Variants in SMARCC1 observed in about 807,000 individuals in gnomAD.
SMARCC1 encodes the protein SWI/SNF complex subunit SMARCC1.
Under a neutral mutation model 147.4 loss-of-function variants are expected in SMARCC1, and 43 were observed. That is an observed-to-expected ratio of 0.29 (90% confidence interval 0.23 to 0.38). SMARCC1 has a LOEUF of 0.38. SMARCC1 is among the 10% of genes least tolerant of loss of function. SMARCC1 has a pLI of 1.00. For synonymous variants in SMARCC1, 495 were observed against 484.4 expected, an observed-to-expected ratio of 1.02 and a Z score of -0.29; for missense variants, 1,119 against 1,381.1, an observed-to-expected ratio of 0.81 and a Z score of 3.01.
intron 2 of SMARCC1, among the ~76,000 whole-genome samples, chr3:47,754,054 T>C (rs1000387778): frequency 6.6e-6 from 1 of 152,194 alleles, no homozygotes; most frequent in Non-Finnish European, 1.5e-5. Context: ...TTTGTATTAT[T>C]ATCAGCACCT....
At chr3:47,685,624 C>G (rs1414467790) in intron 14 of SMARCC1, among the ~76,000 whole-genome samples, 1 of 150,862 alleles carries the variant, frequency 6.6e-6, no homozygotes, top group East Asian at 1.9e-4. Context: ...CTTTGGGAGG[C>G]TGAAGCAGGT....
chr3:47,598,917 G>A (rs1336221393), intron 26 of SMARCC1, among the ~76,000 whole-genome samples: 1 of 150,974 alleles, frequency 6.6e-6, no homozygotes, highest in Non-Finnish European at 1.5e-5. Context: ...AGAAGAAGGT[G>A]ATGTAAAGAT....
At chr3:47,612,001 A>G (rs1401684111) in intron 25 of SMARCC1, among the ~76,000 whole-genome samples, 1 of 152,234 alleles carries the variant, frequency 6.6e-6, no homozygotes, top group Admixed American at 6.5e-5. Context: ...ACCAGGAACA[A>G]GCAAGACAGG....
At chr3:47,768,587 T>C (rs2034869023) in intron 2 of SMARCC1, among the ~76,000 whole-genome samples, 1 of 152,218 alleles carries the variant, frequency 6.6e-6, no homozygotes, top group African/African-American at 2.4e-5. Flanking sequence ...CTAAATTATG[T>C]TACAATTAAT....
intron 2 of SMARCC1, among the ~76,000 whole-genome samples, chr3:47,752,303 G>A (rs1407799256): frequency 6.6e-6 from 1 of 152,124 alleles, no homozygotes; most frequent in Non-Finnish European, 1.5e-5. Context: ...CTGGAGATAG[G>A]AACAAGAAAC....
At chr3:47,725,829 G>T (rs1223562087) in intron 6 of SMARCC1, among the ~76,000 whole-genome samples, 1 of 151,620 alleles carries the variant, frequency 6.6e-6, no homozygotes, top group African/African-American at 2.4e-5. Context: ...TGGGAGGCTG[G>T]GTCGGGTGAA....
intron 19 of SMARCC1, 48 bp downstream of exon 19, chr3:47,670,610 C>CT (rs770696421): frequency 9.7e-6 from 11 of 1,139,788 alleles, no homozygotes; most frequent in Non-Finnish European, 1.3e-5. Flanking sequence ...AAATAAAATG[C>CT]TAGTCAAAGA....
At chr3:47,777,405 AAT>A (rs112001501) in intron 1 of SMARCC1, among the ~76,000 whole-genome samples, 1,906 of 151,956 alleles carry the variant, frequency 0.013, 44 homozygotes, top group African/African-American at 0.043. Context: ...AACTACAGTG[AAT>A]ATAGGCCGGG....
intron 19 of SMARCC1, chr3:47,663,479 C>T (rs1345323596): frequency 3.5e-6 from 2 of 573,252 alleles, no homozygotes; most frequent in African/African-American, 1.9e-5. Context: ...GGTGTAGTGG[C>T]ACACATCTGT....
chr3:47,749,740 G>GAA (rs1576430305), intron 2 of SMARCC1, among the ~76,000 whole-genome samples: 2 of 132,862 alleles, frequency 1.5e-5, no homozygotes, highest in African/African-American at 2.8e-5. Context: ...AAGAGACAGA[G>GAA]AGAGAGAGAG....
At chr3:47,629,155 A>G (rs1175131129) in intron 24 of SMARCC1, among the ~76,000 whole-genome samples, 1 of 152,132 alleles carries the variant, frequency 6.6e-6, no homozygotes, top group Non-Finnish European at 1.5e-5. Flanking sequence ...CTCCAATTCA[A>G]ACCCTCCTTG....
chr3:47,619,405 A>C (rs547366774), intron 25 of SMARCC1, among the ~76,000 whole-genome samples: 3 of 152,350 alleles, frequency 2.0e-5, no homozygotes, highest in African/African-American at 7.2e-5. Flanking sequence ...TGGTACAGAA[A>C]TGCGAACCCA....
At chr3:47,658,970 T>C (rs1041851357) in intron 21 of SMARCC1, among the ~76,000 whole-genome samples, 4 of 151,772 alleles carry the variant, frequency 2.6e-5, no homozygotes, top group African/African-American at 4.8e-5. Flanking sequence ...ACACAAAAAT[T>C]AGCCGGGTGT....
chr3:47,752,330 C>CTGAA (rs1324268013), intron 2 of SMARCC1, among the ~76,000 whole-genome samples: 8 of 152,182 alleles, frequency 5.3e-5, no homozygotes, highest in Non-Finnish European at 1.2e-4. Context: ...GAGACATTCA[C>CTGAA]TGAACCTTGA....
intron 24 of SMARCC1, among the ~76,000 whole-genome samples, chr3:47,630,130 A>G (rs1357636697): frequency 1.5e-5 from 2 of 131,060 alleles, no homozygotes; most frequent in East Asian, 5.1e-4. Flanking sequence ...AGTTTCACGG[A>G]AGAGGATGAA....
intron 21 of SMARCC1, among the ~76,000 whole-genome samples, chr3:47,655,618 G>A (rs1350411580): frequency 6.6e-6 from 1 of 151,770 alleles, no homozygotes; most frequent in Non-Finnish European, 1.5e-5. Context: ...AATCGCTTGA[G>A]CCTGGGAGGT....
At chr3:47,636,242 G>A in intron 22 of SMARCC1, 106 bp from the exon 23 acceptor site, 1 of 638,662 alleles carries the variant, frequency 1.6e-6, no homozygotes, top group South Asian at 1.9e-5. Context: ...TTTTTGGCAA[G>A]AAATAGACTA....
intron 24 of SMARCC1, among the ~76,000 whole-genome samples, chr3:47,633,286 G>A (rs1046511457): frequency 6.6e-6 from 1 of 152,184 alleles, no homozygotes; most frequent in Admixed American, 6.5e-5. Flanking sequence ...ACCTGAGTGA[G>A]CAGTTGAACA....
At chr3:47,750,092 A>AAAG (rs2034612775) in intron 2 of SMARCC1, among the ~76,000 whole-genome samples, 1 of 150,358 alleles carries the variant, frequency 6.7e-6, no homozygotes. Context: ...AAAAAAAAAA[A>AAAG]AAAGAAAATG....
Sources: gnomAD v4.1 joint callset for allele counts (sites outside exome capture counted in the v4.1 genomes callset) on GRCh38, gnomAD v4.1.1 for gene constraint, MANE v1.5 for transcripts, NCBI Gene and HGNC (gene_info 2026-07-23, HGNC 2026-07-21) for gene names.